TAF1B: variants seen among roughly 807,000 people sequenced by gnomAD.
TAF1B encodes TATA-box binding protein associated factor, RNA polymerase I subunit B.
A neutral mutation model predicts 83.9 loss-of-function variants in TAF1B; 61 were observed. The observed-to-expected ratio is 0.73, with a 90% CI of 0.59 to 0.90. The LOEUF (loss-of-function observed/expected upper bound fraction) is 0.90, where lower values mean the gene tolerates loss of function less well. Ranked by LOEUF, TAF1B falls within the 40% of genes least tolerant of loss-of-function variation. TAF1B has a pLI of 0.00. For missense variants in TAF1B, 625 were observed against 677.0 expected (o/e 0.92, Z 0.85); for synonymous variants, 221 against 224.6 (o/e 0.98, Z 0.14).
rs6146620 is a variant in TAF1B, at chr2:9,880,426, CTTTTTTTTTTTT to C, written c.708-2266_708-2255del. 1.7e-3 allele frequency among the ~76,000 whole-genome samples: 125 copies of C among 75,062 alleles called. 1 individual carries two copies. In the East Asian group the frequency reaches 0.04, roughly 24 times the overall value. 49.2% of individuals were successfully genotyped at this position (75,062 alleles called of 152,430 possible). On this transcript the variant is annotated intron_variant, in intron 7 of 14. Transcript: ENST00000263663. ...ATTGTTCAGAACTTTGAGTAAGCAG[CTTTTTTTTTTTT>C]TTTTTTTTTTTTTGGAAAAACAAAT...
At chr2:9,905,119 T>G in intron 9 of TAF1B, 113 bp downstream of exon 9, 2 of 860,826 alleles carry the variant, frequency 2.3e-6, no homozygotes, top group Non-Finnish European at 3.4e-6. Context: ...AGGTCCATGG[T>G]TACATGAAAC....
intron 8 of TAF1B, among the ~76,000 whole-genome samples, chr2:9,889,150 A>C (rs1217305521): frequency 6.6e-6 from 1 of 151,814 alleles, no homozygotes; most frequent in African/African-American, 2.4e-5. Context: ...TGCAGTTTTC[A>C]TCAAACTTGG....
intron 2 of TAF1B, among the ~76,000 whole-genome samples, chr2:9,848,950 A>T (rs2125134053): frequency 6.6e-6 from 1 of 152,368 alleles, no homozygotes; most frequent in Admixed American, 6.5e-5. Context: ...TTATTCAAAG[A>T]CATGGAAAAG....
At chr2:9,882,557 T>C in intron 7 of TAF1B, 149 bp from the exon 8 acceptor site, 1 of 478,920 alleles carries the variant, frequency 2.1e-6, no homozygotes. Context: ...ATAGATATGA[T>C]TAGATTTATT....
intron 6 of TAF1B, 27 bp downstream of exon 6, chr2:9,868,456 A>G (rs1300619965): frequency 6.3e-7 from 1 of 1,593,656 alleles, no homozygotes; most frequent in East Asian, 2.2e-5. Flanking sequence ...AACCATTTCG[A>G]ATTTTAAAGC....
At chr2:9,868,615 T>A (rs917523193) in intron 6 of TAF1B, 186 bp downstream of exon 6, 6 of 873,816 alleles carry the variant, frequency 6.9e-6, no homozygotes, top group Admixed American at 2.0e-5. Context: ...CGCAATTTTT[T>A]AAAAGGCACA....
intron 8 of TAF1B, among the ~76,000 whole-genome samples, chr2:9,888,164 A>G (rs1271142176): frequency 6.6e-6 from 1 of 152,154 alleles, no homozygotes; most frequent in East Asian, 1.9e-4. Flanking sequence ...TAGGGTTTAC[A>G]GTATTCATCT....
rs748479473 is a variant in TAF1B at position 9,868,471 on chromosome 2, A to T, written c.553+42A>T. On this transcript the variant is annotated intron_variant, in intron 6 of 14. Coordinates refer to ENST00000263663, the MANE Select transcript of TAF1B (RefSeq NM_005680.3). ...AACCATTTCGAATTTTAAAGCTGTT[A>T]TGCCCCTTAAAAATAATTTAGTCTA... is the stretch of plus-strand genomic sequence containing the variant. 2.5e-6 allele frequency: 4 copies of T among 1,584,326 alleles called. No individual in the cohort carries two copies. In the African/African-American group the frequency reaches 4.1e-5, roughly 16 times the overall value.
chr2:9,864,976 C>CA (rs752500157), intron 5 of TAF1B, among the ~76,000 whole-genome samples: 1 of 152,158 alleles, frequency 6.6e-6, no homozygotes, highest in Non-Finnish European at 1.5e-5. Context: ...AGCCCACAGC[C>CA]AATATCATAC....
chr2:9,846,254 T>C (rs2125132663), intron 2 of TAF1B: 8 of 388,588 alleles, frequency 2.1e-5, no homozygotes, highest in South Asian at 1.4e-4. Flanking sequence ...GATTGTCATA[T>C]TGTCCTGTGT....
At chr2:9,865,044 C>T (rs2125144177) in intron 5 of TAF1B, among the ~76,000 whole-genome samples, 1 of 152,220 alleles carries the variant, frequency 6.6e-6, no homozygotes, top group African/African-American at 2.4e-5. Flanking sequence ...CAGGGATGCC[C>T]TCTCTCACCA....
At chr2:9,867,795 A>G (rs186683946) in intron 5 of TAF1B, among the ~76,000 whole-genome samples, 1 of 152,312 alleles carries the variant, frequency 6.6e-6, no homozygotes, top group African/African-American at 2.4e-5. Flanking sequence ...AGTTCAAGGA[A>G]AGGAGAAATC....
chr2:9,868,575 A>G (rs1164132066), intron 6 of TAF1B, 146 bp downstream of exon 6: 2 of 1,162,812 alleles, frequency 1.7e-6, no homozygotes, highest in African/African-American at 1.5e-5. Flanking sequence ...GCTGAATCAT[A>G]TGGCTAAGAC....
intron 14 of TAF1B, among the ~76,000 whole-genome samples, chr2:9,920,905 T>C (rs528108023): frequency 6.6e-6 from 1 of 152,242 alleles, no homozygotes; most frequent in East Asian, 1.9e-4. Context: ...TAGGACATAG[T>C]GGAAAACTTG....
intron 12 of TAF1B, among the ~76,000 whole-genome samples, chr2:9,917,255 T>C (rs1410860748): frequency 6.6e-6 from 1 of 152,236 alleles, no homozygotes; most frequent in East Asian, 1.9e-4. Context: ...TTTTTTAAAA[T>C]TCTTGAAAAA....
chr2:9,854,303 C>G, intron 4 of TAF1B, 23 bp from the exon 5 acceptor site: 1 of 1,575,600 alleles, frequency 6.3e-7, no homozygotes, highest in African/African-American at 1.3e-5. Flanking sequence ...AATCACCCAC[C>G]ACTCATTTCC....
intron 6 of TAF1B, among the ~76,000 whole-genome samples, chr2:9,873,620 ATTT>A (rs540990898): frequency 2.6e-5 from 3 of 117,574 alleles, no homozygotes; most frequent in African/African-American, 3.1e-5. Context: ...ATCAAACTGG[ATTT>A]TTTTTTTTTT....
chr2:9,864,227 A>G (rs922002200), intron 5 of TAF1B, among the ~76,000 whole-genome samples: 1 of 152,006 alleles, frequency 6.6e-6, no homozygotes, highest in African/African-American at 2.4e-5. Context: ...GAAAAGAGAG[A>G]AGAATCAAAT....
intron 14 of TAF1B, among the ~76,000 whole-genome samples, chr2:9,925,276 C>A (rs1197559721): frequency 6.6e-6 from 1 of 151,842 alleles, no homozygotes; most frequent in Admixed American, 6.6e-5. Context: ...CCCATCTCTA[C>A]TAAAATACAA....
Sources: gnomAD v4.1 joint callset for allele counts (sites outside exome capture counted in the v4.1 genomes callset) on GRCh38, gnomAD v4.1.1 for gene constraint, MANE v1.5 for transcripts, NCBI Gene and HGNC (gene_info 2026-07-23, HGNC 2026-07-21) for gene names.